The following KYNU variants were observed in gnomAD, a reference collection of about 807,000 sequenced individuals.
KYNU encodes L-kynurenine hydrolase.
In KYNU, 54 loss-of-function variants were observed where a neutral mutation model predicts 59.2. That is an observed-to-expected ratio of 0.91 (90% CI 0.73 to 1.14). The LOEUF is 1.14. Ranked by LOEUF, KYNU falls within the 50% of genes most tolerant of loss-of-function variation. The pLI, the probability that KYNU is intolerant of heterozygous loss-of-function variation, is 0.00. For missense variants in KYNU, 567 were observed against 554.4 expected, an observed-to-expected ratio of 1.02 and a Z score of -0.23; for synonymous variants, 177 against 192.0, an observed-to-expected ratio of 0.92 and a Z score of 0.65.
In KYNU at chr2:142,917,465, T is replaced by TA. The variant is rs5834928; in HGVS notation, c.170-1131dup. Among the ~76,000 whole-genome samples the TA allele has an allele frequency of 8.1e-3, 1,206 of 149,296 alleles. 7 individuals carry two copies. The highest frequency in any genetic ancestry group is 0.027 in the African/African-American group (1,109 of 40,726). ...AACCATTGATGTGATAACCTTTTAT[T>TA]AAAAAAAAAAAAATTAAATAGAGAT... is the stretch of plus-strand genomic sequence containing the variant. On this transcript the variant is annotated intron_variant, in intron 2 of 13. Transcript: ENST00000264170.
chr2:142,962,599 G>A (rs926395186), intron 8 of KYNU, among the ~76,000 whole-genome samples: 2 of 152,108 alleles, frequency 1.3e-5, no homozygotes, highest in African/African-American at 4.8e-5. Context: ...TAAATGTTTT[G>A]CAGGTTTTCT....
chr2:142,941,955 G>C (rs1436618906), intron 4 of KYNU, among the ~76,000 whole-genome samples: 1 of 152,046 alleles, frequency 6.6e-6, no homozygotes, highest in Non-Finnish European at 1.5e-5. Flanking sequence ...AATTTCTTGA[G>C]CCCAGGAGTT....
At chr2:143,004,078 A>G (rs1685794086) in intron 10 of KYNU, among the ~76,000 whole-genome samples, 2 of 152,256 alleles carry the variant, frequency 1.3e-5, no homozygotes, top group African/African-American at 2.4e-5. Context: ...TGACTAATTC[A>G]TGAAAATGTA....
At chr2:142,896,883 A>G (rs1681896875) in intron 2 of KYNU, among the ~76,000 whole-genome samples, 1 of 152,184 alleles carries the variant, frequency 6.6e-6, no homozygotes, top group Non-Finnish European at 1.5e-5. Context: ...TTATTCTCTT[A>G]TTAGCGTCTA....
intron 8 of KYNU, among the ~76,000 whole-genome samples, chr2:142,973,458 C>T (rs1684795306): frequency 6.6e-6 from 1 of 152,156 alleles, no homozygotes; most frequent in Non-Finnish European, 1.5e-5. Context: ...CTCCATACCC[C>T]TTTTATCTCC....
intron 1 of KYNU, among the ~76,000 whole-genome samples, chr2:142,879,271 T>G (rs1268018360): frequency 6.6e-6 from 1 of 152,186 alleles, no homozygotes; most frequent in Non-Finnish European, 1.5e-5. Flanking sequence ...CATGCGAAGT[T>G]GTGCAAGTGG....
chr2:142,959,522 G>T lies in KYNU; in HGVS notation c.583-1102G>T, dbSNP rs556220829. Among the ~76,000 whole-genome samples the T allele has an allele frequency of 2.7e-4, 41 of 151,298 alleles. No homozygotes were observed. In the South Asian group the frequency reaches 7.9e-3, roughly 29 times the overall value. ...AATCACTTGAACCTGGGAGGTGGAG[G>T]TTGTGGTGAGCCAAGATCGCACCAT... is the stretch of plus-strand genomic sequence containing the variant. On this transcript the variant is annotated intron_variant, in intron 7 of 13. Transcript: ENST00000264170.
At chr2:143,002,391 C>A (rs572720298) in intron 10 of KYNU, among the ~76,000 whole-genome samples, 8 of 152,176 alleles carry the variant, frequency 5.3e-5, no homozygotes, top group Non-Finnish European at 2.9e-5. Flanking sequence ...TTTTACTCTT[C>A]GTGTAGTCCC....
chr2:142,985,351 T>G (rs1264226622), intron 9 of KYNU, among the ~76,000 whole-genome samples, 169 bp downstream of exon 9: 1 of 152,004 alleles, frequency 6.6e-6, no homozygotes, highest in South Asian at 2.1e-4. Context: ...AGTATGATAA[T>G]TAATATAATT....
At chr2:142,997,982 C>T (rs957870816) in intron 10 of KYNU, among the ~76,000 whole-genome samples, 8 of 152,142 alleles carry the variant, frequency 5.3e-5, no homozygotes, top group East Asian at 3.9e-4. Context: ...TTATGATAAG[C>T]GATGCTTTCC....
chr2:143,020,695 G>A (rs1686379840), intron 10 of KYNU, among the ~76,000 whole-genome samples: 1 of 152,112 alleles, frequency 6.6e-6, no homozygotes, highest in African/African-American at 2.4e-5. Flanking sequence ...TTTCTGTGTA[G>A]ACAATTTATA....
At chr2:142,891,944 A>T (rs1251393153) in intron 2 of KYNU, among the ~76,000 whole-genome samples, 1 of 151,490 alleles carries the variant, frequency 6.6e-6, no homozygotes, top group East Asian at 1.9e-4. Context: ...ATGGGGTCTC[A>T]CTCTGTCACC....
intron 2 of KYNU, among the ~76,000 whole-genome samples, chr2:142,908,523 T>TTTC (rs1316211837): frequency 6.6e-6 from 1 of 152,128 alleles, no homozygotes; most frequent in Non-Finnish European, 1.5e-5. Flanking sequence ...ATGCCTATAT[T>TTTC]AGAGTCCTAC....
At chr2:142,957,437 C>A (rs1684203939) in intron 6 of KYNU, among the ~76,000 whole-genome samples, 1 of 152,138 alleles carries the variant, frequency 6.6e-6, no homozygotes, top group South Asian at 2.1e-4. Flanking sequence ...CCTCTGTTTT[C>A]ATCTATCTCA....
At chr2:142,990,937 G>A (rs1364603233) in intron 10 of KYNU, among the ~76,000 whole-genome samples, 1 of 151,812 alleles carries the variant, frequency 6.6e-6, no homozygotes, top group Non-Finnish European at 1.5e-5. Flanking sequence ...TGAAAAGGCT[G>A]GCTGACTTCA....
At position 142,954,851 on chromosome 2, in the gene KYNU, G is replaced by A. The variant is rs1176253447; in HGVS notation, c.415G>A (p.Val139Ile). 4 of 1,595,560 alleles carry A rather than the reference G, an allele frequency of 2.5e-6. No individual in the cohort carries two copies. Among genetic ancestry groups the A allele is most frequent in the Non-Finnish European group, 3.4e-6 (4 of 1,163,614 alleles). ...AATAGCCCTAATGAATGCTTTGACTGTAAATTTACATCTTCTAATGGTAAG... is the reference window on the plus strand; with the variant it reads ...AATAGCCCTAATGAATGCTTTGACTATAAATTTACATCTTCTAATGGTAAG... ...KEIALMNALTVNLHLLMLSFF... is the reference protein window; with the variant it reads ...KEIALMNALTINLHLLMLSFF... Residue 139 changes from valine to isoleucine, a missense_variant, in exon 5 of 14, where the codon GTA (valine) becomes ATA (isoleucine). Transcript: ENST00000264170.
intron 11 of KYNU, among the ~76,000 whole-genome samples, chr2:143,031,735 A>G (rs780375280): frequency 1.3e-4 from 20 of 152,128 alleles, no homozygotes; most frequent in Non-Finnish European, 2.2e-4. Flanking sequence ...AAAAACAAAA[A>G]CAAAACTAGT....
At chr2:142,961,954 A>G (rs1448228751) in intron 8 of KYNU, among the ~76,000 whole-genome samples, 1 of 152,206 alleles carries the variant, frequency 6.6e-6, no homozygotes, top group Non-Finnish European at 1.5e-5. Flanking sequence ...AACTAATTAA[A>G]ATATATTTAG....
intron 8 of KYNU, among the ~76,000 whole-genome samples, chr2:142,982,291 A>G (rs1214226754): frequency 2.0e-5 from 3 of 152,094 alleles, no homozygotes; most frequent in Admixed American, 2.0e-4. Flanking sequence ...ACCTGCATTT[A>G]GCCAGTTTTT....
Sources: gnomAD v4.1 joint callset for allele counts (sites outside exome capture counted in the v4.1 genomes callset) on GRCh38, gnomAD v4.1.1 for gene constraint, MANE v1.5 for transcripts, NCBI Gene and HGNC (gene_info 2026-07-23, HGNC 2026-07-21) for gene names.